CYP19A1: variants seen among roughly 807,000 people sequenced by gnomAD.
The protein encoded by CYP19A1 is cytochrome P450 family 19 subfamily A member 1.
CYP19A1 carries 32 observed loss-of-function variants against 44.4 expected under a neutral mutation model. The ratio of observed to expected loss-of-function variants is 0.72; its 90% CI spans 0.54 to 0.97. CYP19A1 has a LOEUF of 0.97. Ranked by LOEUF, CYP19A1 falls within the 50% of genes least tolerant of loss-of-function variation. The pLI is 0.00. For synonymous variants in CYP19A1, 212 were observed against 215.6 expected (o/e 0.98, Z 0.14); for missense variants, 598 against 637.8 (o/e 0.94, Z 0.67).
intron 1 of CYP19A1, among the ~76,000 whole-genome samples, chr15:51,276,731 A>G (rs1412211311): frequency 1.3e-5 from 2 of 152,232 alleles, no homozygotes; most frequent in African/African-American, 4.8e-5. Context: ...AACTTCAAGC[A>G]AAGTCTCCAC....
At chr15:51,279,601 G>A (rs2035444555) in intron 1 of CYP19A1, among the ~76,000 whole-genome samples, 1 of 152,226 alleles carries the variant, frequency 6.6e-6, no homozygotes, top group Admixed American at 6.5e-5. Flanking sequence ...ACCAAGCTAT[G>A]AGTGAAAACT....
chr15:51,255,871 C>G (rs2034494294), intron 1 of CYP19A1: 1 of 152,228 alleles, frequency 6.6e-6, no homozygotes, highest in Non-Finnish European at 1.5e-5. Context: ...TCTTTTCACA[C>G]TCTTGACAGT....
At chr15:51,227,602 G>A (rs766579379) in intron 4 of CYP19A1, among the ~76,000 whole-genome samples, 177 bp downstream of exon 4, 10 of 151,788 alleles carry the variant, frequency 6.6e-5, no homozygotes, top group Non-Finnish European at 1.3e-4. Flanking sequence ...CCTGGGAGGC[G>A]GAGGTTACAG....
chr15:51,267,947 C>A (rs772001737), intron 1 of CYP19A1, among the ~76,000 whole-genome samples: 22 of 152,196 alleles, frequency 1.4e-4, no homozygotes, highest in Non-Finnish European at 2.8e-4. Context: ...CGCCCCTCCC[C>A]ACCCTGGGGA....
At chr15:51,295,718 T>C (rs1456174514) in intron 1 of CYP19A1, among the ~76,000 whole-genome samples, 1 of 152,188 alleles carries the variant, frequency 6.6e-6, no homozygotes, top group Non-Finnish European at 1.5e-5. Context: ...GGTCTCAGCA[T>C]CTTCCCATCT....
intron 4 of CYP19A1, among the ~76,000 whole-genome samples, chr15:51,223,591 T>TCACACACACACACA (rs1157301044): frequency 9.7e-4 from 55 of 56,976 alleles, no homozygotes; most frequent in South Asian, 8.9e-3. Flanking sequence ...TCTCTCTCTC[T>TCACACACACACACA]CTCACACACA....
intron 1 of CYP19A1, among the ~76,000 whole-genome samples, chr15:51,297,859 CACACACACA>C (rs2036030981): frequency 6.6e-6 from 1 of 150,826 alleles, no homozygotes; most frequent in African/African-American, 2.4e-5. Flanking sequence ...CACACACACA[CACACACACA>C]CCCTAGGCCT....
Position 51,336,079 on chromosome 15 carries a change from C to T in CYP19A1, c.-39+2416G>A, listed in dbSNP as rs1003911551. Among the ~76,000 whole-genome samples, 8 of 152,320 alleles carry T rather than the reference C, an allele frequency of 5.3e-5. 1 individual carries two copies. The highest frequency in any genetic ancestry group is 5.2e-4 in the Admixed American group (8 of 15,298). On this transcript the variant is annotated intron_variant, in intron 1 of 9. Transcript: ENST00000396402. ...ACAAGCATCCTTTTCTCAGGGAAGC[C>T]TTCCCTGAACCACACATCCAACTCT...
At chr15:51,308,250 G>A (rs1036566648) in intron 1 of CYP19A1, among the ~76,000 whole-genome samples, 1 of 152,158 alleles carries the variant, frequency 6.6e-6, no homozygotes, top group Non-Finnish European at 1.5e-5. Flanking sequence ...CAGCAATGAG[G>A]ACAGGTGGGA....
At chr15:51,315,774 C>T (rs751775463) in intron 1 of CYP19A1, 1 of 152,174 alleles carries the variant, frequency 6.6e-6, no homozygotes, top group Non-Finnish European at 1.5e-5. Context: ...ATTGTTTGCT[C>T]TTAGCAAAAA....
chr15:51,262,399 C>T (rs180796002), intron 1 of CYP19A1, among the ~76,000 whole-genome samples: 8 of 152,150 alleles, frequency 5.3e-5, no homozygotes, highest in African/African-American at 1.9e-4. Flanking sequence ...ATTCCTCTAG[C>T]GCACTGGGTT....
chr15:51,314,362 G>GA, intron 1 of CYP19A1, among the ~76,000 whole-genome samples: 1 of 152,192 alleles, frequency 6.6e-6, no homozygotes, highest in South Asian at 2.1e-4. Context: ...TATCATGGTG[G>GA]AAGCCAGTAT....
intron 1 of CYP19A1, among the ~76,000 whole-genome samples, chr15:51,252,434 A>C (rs999489832): frequency 1.1e-4 from 16 of 152,190 alleles, no homozygotes; most frequent in African/African-American, 3.9e-4. Context: ...GACTGATAGA[A>C]AGTTGTTTCC....
At chr15:51,285,952 T>G (rs1287944181) in intron 1 of CYP19A1, among the ~76,000 whole-genome samples, 2 of 152,136 alleles carry the variant, frequency 1.3e-5, no homozygotes, top group Non-Finnish European at 2.9e-5. Context: ...GTCACCACAG[T>G]CTCACTCCTA....
intron 1 of CYP19A1, among the ~76,000 whole-genome samples, chr15:51,305,566 G>A (rs1287218830): frequency 6.6e-6 from 1 of 151,868 alleles, no homozygotes; most frequent in Non-Finnish European, 1.5e-5. Context: ...GTGTGTTTTC[G>A]TTTGTTTGTT....
At chr15:51,280,522 T>C (rs1470761752) in intron 1 of CYP19A1, among the ~76,000 whole-genome samples, 1 of 152,144 alleles carries the variant, frequency 6.6e-6, no homozygotes, top group Admixed American at 6.5e-5. Flanking sequence ...GGACATGAGG[T>C]CCTACACCTC....
In CYP19A1 at chr15:51,236,922, T is replaced by C. The variant is rs1422135097; in HGVS notation, c.233A>G (p.Asn78Ser). The C allele has an allele frequency of 5.6e-6, 9 of 1,614,022 alleles. No homozygotes were observed. The highest frequency in any genetic ancestry group is 1.7e-5 in the Admixed American group (1 of 60,000). The change falls in exon 3 of 10, where the codon AAC becomes AGC. Residue 78 changes from asparagine (N) to serine (S), a missense_variant. Transcript: ENST00000396402. ...MGIGSACNYY[N>S]RVYGEFMRVW... ...TCGCATGAATTCTCCATATACCCGG[T>C]TGTAGTAGTTGCAGGCACTGCCGAT...
chr15:51,302,704 C>T (rs2036139790), intron 1 of CYP19A1, among the ~76,000 whole-genome samples: 2 of 152,232 alleles, frequency 1.3e-5, no homozygotes, highest in Admixed American at 1.3e-4. Flanking sequence ...TGTGGAAAGT[C>T]CCCTGCCATC....
rs201610075 is a variant in CYP19A1 at position 51,242,846 on chromosome 15, C to G, written c.67G>C (p.Ala23Pro). 3 of 1,595,858 alleles carry G rather than the reference C, an allele frequency of 1.9e-6. No homozygotes were observed. The highest frequency in any genetic ancestry group is 1.7e-6 in the Non-Finnish European group (2 of 1,163,514). Residue 23 changes from alanine (A) to proline (P), a missense_variant, in exon 2 of 10, where the codon GCT becomes CCT. Physicochemically the swap from Ala to Pro is conservative, Grantham distance 27. Coordinates refer to ENST00000396402, the MANE Select transcript of CYP19A1 (RefSeq NM_000103.4). ...AGGAGCAGGACTGGCATGGTGGCAG[C>G]AGGCATGGCTTCAGGCACGATGCTG... ...ITSIVPEAMPAATMPVLLLTG... is the reference protein window; with the variant it reads ...ITSIVPEAMPPATMPVLLLTG...
Sources: gnomAD v4.1 joint callset for allele counts (sites outside exome capture counted in the v4.1 genomes callset) on GRCh38, gnomAD v4.1.1 for gene constraint, MANE v1.5 for transcripts, NCBI Gene and HGNC (gene_info 2026-07-23, HGNC 2026-07-21) for gene names.